The following DDX31 variants were observed in gnomAD, a reference collection of about 807,000 sequenced individuals.
DDX31 encodes DEAD-box helicase 31.
Under a neutral mutation model 91.3 loss-of-function variants are expected in DDX31, and 70 were observed. The observed-to-expected ratio is 0.77, with a 90% CI of 0.63 to 0.94. DDX31 has a LOEUF of 0.94. Among genes scored for constraint, DDX31 ranks in the 40% least tolerant of loss-of-function variants. The pLI, the probability that DDX31 is intolerant of heterozygous loss-of-function variation, is 0.00. For missense variants in DDX31, 902 were observed against 925.0 expected, an observed-to-expected ratio of 0.98 and a Z score of 0.32; for synonymous variants, 362 against 350.6, an observed-to-expected ratio of 1.03 and a Z score of -0.36.
Position 132,595,004 on chromosome 9 carries a change from G to A in DDX31, c.2103C>T (p.Asn701=), listed in dbSNP as rs762241533. Residue 701 remains asparagine (N), a synonymous_variant, in exon 20 of 20, where the codon AAC becomes AAT. Coordinates refer to ENST00000372159, the MANE Select transcript of DDX31 (RefSeq NM_022779.9). The surrounding 1 kb of genome is among the most constrained non-coding windows in gnomAD (Gnocchi z 4.6). ...GCCGGCCACCAGGCTCTCCAGGTGC[G>A]TTTTGCTTTTTGACCTTGGCGATGT... The part of the protein sequence containing the change: ...EADIAKVKKQ[N]APGEPGGRPL... 41 of 1,614,186 alleles carry A rather than the reference G, an allele frequency of 2.5e-5. 1 individual carries two copies. Among genetic ancestry groups the A allele is most frequent in the South Asian group, 1.1e-4 (10 of 91,082 alleles).
At chr9:132,650,179 T>C (rs1489593618) in intron 9 of DDX31, 55 bp downstream of exon 9, 17 of 1,529,022 alleles carry the variant, frequency 1.1e-5, no homozygotes, top group African/African-American at 2.7e-5. Context: ...CCTTACTGAA[T>C]AGGAAGGCAG....
intron 19 of DDX31, among the ~76,000 whole-genome samples, chr9:132,601,697 T>A (rs1486835439): frequency 1.3e-5 from 2 of 152,152 alleles, no homozygotes; most frequent in Admixed American, 6.5e-5. Flanking sequence ...AGCCGAGCCA[T>A]CCAGAGGACA....
chr9:132,622,921 A>G (rs1290811961), intron 17 of DDX31, among the ~76,000 whole-genome samples: 1 of 151,524 alleles, frequency 6.6e-6, no homozygotes, highest in Non-Finnish European at 1.5e-5. Context: ...ACCTGAGGTC[A>G]GGAGTTTGAG....
intron 19 of DDX31, among the ~76,000 whole-genome samples, chr9:132,608,869 C>T (rs1831170900): frequency 6.6e-6 from 1 of 152,156 alleles, no homozygotes; most frequent in African/African-American, 2.4e-5. Flanking sequence ...CTGGCATTTG[C>T]TCAAACCCTG....
At chr9:132,661,287 T>C in intron 3 of DDX31, 36 bp from the exon 4 acceptor site, 3 of 1,487,876 alleles carry the variant, frequency 2.0e-6, no homozygotes, top group Non-Finnish European at 2.8e-6. Flanking sequence ...AATTAATATT[T>C]TGATACAAAA....
intron 1 of DDX31, among the ~76,000 whole-genome samples, chr9:132,665,750 C>T (rs1049055720): frequency 2.6e-5 from 4 of 152,170 alleles, no homozygotes; most frequent in African/African-American, 9.7e-5. Context: ...TATTAATAAA[C>T]ATACTGAGTA....
At chr9:132,607,963 G>A (rs963772489) in intron 19 of DDX31, among the ~76,000 whole-genome samples, 11 of 152,126 alleles carry the variant, frequency 7.2e-5, no homozygotes, top group African/African-American at 2.4e-4. Context: ...CTTGTGTGAC[G>A]ACCTAGACAG....
intron 19 of DDX31, among the ~76,000 whole-genome samples, chr9:132,601,718 G>A (rs1830732094): frequency 1.3e-5 from 2 of 152,226 alleles, no homozygotes; most frequent in African/African-American, 4.8e-5. Context: ...GGCTGCAACA[G>A]TACAGACCAA....
chr9:132,646,380 C>G (rs1043619743), intron 12 of DDX31, among the ~76,000 whole-genome samples: 1 of 152,180 alleles, frequency 6.6e-6, no homozygotes, highest in African/African-American at 2.4e-5. Context: ...ACATGCAACA[C>G]TACCTGGCTG....
rs996267051 is a variant in DDX31 at position 132,617,781 on chromosome 9, C to G, written c.1825+549G>C. On this transcript the variant is annotated intron_variant, in intron 18 of 19. Transcript: ENST00000372159. ...AAGTCTACATCTAATGTATGGTGATCCCAGGAGCCAACTTATCCAACAAAG... is the reference window on the plus strand; with the variant it reads ...AAGTCTACATCTAATGTATGGTGATGCCAGGAGCCAACTTATCCAACAAAG... 4.6e-5 allele frequency among the ~76,000 whole-genome samples: 7 copies of G among 152,292 alleles called. No homozygotes were observed. The South Asian group carries it at 1.0e-3, about 23-fold the overall frequency.
intron 18 of DDX31, among the ~76,000 whole-genome samples, chr9:132,614,383 G>C (rs911224482): frequency 6.6e-6 from 1 of 151,804 alleles, no homozygotes; most frequent in Non-Finnish European, 1.5e-5. Context: ...AGCCCCACTA[G>C]ATACAGAGCC....
At chr9:132,615,924 C>G (rs1432194122) in intron 18 of DDX31, among the ~76,000 whole-genome samples, 1 of 152,190 alleles carries the variant, frequency 6.6e-6, no homozygotes, top group South Asian at 2.1e-4. Context: ...GCCATCAAGG[C>G]AAAAGCCAGC....
In DDX31 at chr9:132,637,944, T is replaced by G. The variant is rs935049470; in HGVS notation, c.1440+4060A>C. ...GCCGTATCTCCTTTGTCTCCTAGCC[T>G]CCTGGCACGGTGGAAATTCCCCAGG... On this transcript the variant is annotated intron_variant, in intron 14 of 19. Transcript: ENST00000372159. The G allele has an allele frequency of 6.0e-6, 6 of 1,008,378 alleles. No homozygotes were observed. In the African/African-American group the frequency reaches 1.0e-4, roughly 17 times the overall value. The allele number at this position is 1,008,378 out of a possible 1,614,324, so 62.5% of individuals were successfully genotyped here.
At chr9:132,614,181 T>C (rs1831503737) in intron 18 of DDX31, among the ~76,000 whole-genome samples, 1 of 152,230 alleles carries the variant, frequency 6.6e-6, no homozygotes. Context: ...GGAAGGATCC[T>C]GGGGAATCCA....
At chr9:132,646,613 T>C (rs946651085) in intron 12 of DDX31, among the ~76,000 whole-genome samples, 2 of 152,218 alleles carry the variant, frequency 1.3e-5, no homozygotes, top group African/African-American at 4.8e-5. Flanking sequence ...CATTTCAAGC[T>C]GAACATCATG....
At chr9:132,596,914 CTA>C (rs1306474867) in intron 19 of DDX31, among the ~76,000 whole-genome samples, 2 of 152,128 alleles carry the variant, frequency 1.3e-5, no homozygotes, top group African/African-American at 4.8e-5. Context: ...TGGAACTTGA[CTA>C]TCACTCATCA....
Position 132,650,256 on chromosome 9 carries a change from T to TCTCTC in DDX31, c.713_717dup (p.Lys240GlufsTer15). The TCTCTC allele has an allele frequency of 6.2e-7, 1 of 1,614,066 alleles. No homozygotes were observed. The highest frequency in any genetic ancestry group is 8.5e-7 in the Non-Finnish European group (1 of 1,179,990). On this transcript the variant is annotated frameshift_variant, in exon 9 of 20. Transcript: ENST00000372159. LOFTEE classifies it high-confidence loss of function. ...TACCTGGCCTTTTCTGATTTTCTCT[T>TCTCTC]CTCTCCTCCCATTAACACTCCAGGC...
intron 19 of DDX31, among the ~76,000 whole-genome samples, chr9:132,599,095 T>C (rs1279718408): frequency 6.6e-6 from 1 of 152,024 alleles, no homozygotes; most frequent in African/African-American, 2.4e-5. Context: ...ATTACATGGG[T>C]TGTTAATGGA....
chr9:132,659,693 G>A lies in DDX31; in HGVS notation c.523+17C>T. 1.2e-6 allele frequency: 2 copies of A among 1,601,226 alleles called. No individual in the cohort carries two copies. The highest frequency in any genetic ancestry group is 2.3e-5 in the East Asian group (1 of 44,406). ...GCCTGAGCAGATGAAAAAGGGCAGA[G>A]ATGAAATGAGACTAACCTGAGCCCG... On this transcript the variant is annotated intron_variant, in intron 5 of 19. Coordinates refer to ENST00000372159, the MANE Select transcript of DDX31 (RefSeq NM_022779.9).
Sources: gnomAD v4.1 joint callset for allele counts (sites outside exome capture counted in the v4.1 genomes callset) on GRCh38, gnomAD v4.1.1 for gene constraint, Gnocchi (gnomAD v3.1) non-coding constraint, MANE v1.5 for transcripts, NCBI Gene and HGNC (gene_info 2026-07-23, HGNC 2026-07-21) for gene names.